RNF150: variants seen among roughly 807,000 people sequenced by gnomAD.
The protein encoded by RNF150 is ring finger protein 150.
A neutral mutation model predicts 39.3 loss-of-function variants in RNF150; 24 were observed. That is an observed-to-expected ratio of 0.61 (90% CI 0.44 to 0.86). RNF150 has a LOEUF of 0.86. Ranked by LOEUF, RNF150 falls within the 40% of genes least tolerant of loss-of-function variation. RNF150 has a pLI of 0.00. For synonymous variants in RNF150, 255 were observed against 227.3 expected (o/e 1.12, Z -1.10); for missense variants, 502 against 587.8 (o/e 0.85, Z 1.51).
chr4:141,180,026 C>T (rs1475539735), intron 1 of RNF150, among the ~76,000 whole-genome samples: 2 of 152,124 alleles, frequency 1.3e-5, no homozygotes, highest in East Asian at 3.9e-4. Flanking sequence ...TCAGATAATT[C>T]GGTTTCTATT....
chr4:141,153,689 T>A lies in RNF150; in HGVS notation c.-6+59105A>T, dbSNP rs147113752. Among the ~76,000 whole-genome samples the A allele has an allele frequency of 1.2e-3, 184 of 152,214 alleles. 1 individual carries two copies. The highest frequency in any genetic ancestry group is 2.2e-3 in the Non-Finnish European group (149 of 67,996). On this transcript the variant is annotated intron_variant, in intron 1 of 7. Coordinates refer to the RNF150 transcript ENST00000420921. Reference sequence around the variant, plus strand: ...GTGAGTGGGTAGATGATATAGTAGGTTTCAAATGGTCCAGAAGGATATAAA... The same window carrying A: ...GTGAGTGGGTAGATGATATAGTAGGATTCAAATGGTCCAGAAGGATATAAA...
chr4:141,206,515 G>A (rs1728377507), intron 1 of RNF150, among the ~76,000 whole-genome samples: 1 of 150,790 alleles, frequency 6.6e-6, no homozygotes. Flanking sequence ...GCTTTCAAAT[G>A]AGGATGTCAA....
At chr4:141,097,540 TA>T (rs1456081176) in intron 1 of RNF150, among the ~76,000 whole-genome samples, 1 of 152,154 alleles carries the variant, frequency 6.6e-6, no homozygotes, top group Non-Finnish European at 1.5e-5. Flanking sequence ...TGGTGGGCCT[TA>T]AAATTTATGG....
chr4:141,162,091 C>T (rs1168754270), intron 1 of RNF150, among the ~76,000 whole-genome samples: 3 of 152,164 alleles, frequency 2.0e-5, no homozygotes, highest in African/African-American at 7.2e-5. Flanking sequence ...ACAGTTTGCA[C>T]CACATGCCTG....
At chr4:141,044,771 G>GCACGCA (rs1553940750) in intron 1 of RNF150, among the ~76,000 whole-genome samples, 1 of 146,582 alleles carries the variant, frequency 6.8e-6, no homozygotes, top group Non-Finnish European at 1.5e-5. Flanking sequence ...GGTGTGCAGC[G>GCACGCA]CACACACACA....
At chr4:141,069,742 G>A (rs1737615958) in intron 1 of RNF150, among the ~76,000 whole-genome samples, 1 of 151,714 alleles carries the variant, frequency 6.6e-6, no homozygotes, top group Non-Finnish European at 1.5e-5. Context: ...TTCAGCTCCT[G>A]TTATTGGTCT....
Position 141,132,263 on chromosome 4 carries a change from G to GATCC in RNF150, c.484+58_484+61dup. ...AGAAGGAGCCTGGAGGCAGGCGCTGGATCCCTCTAGGCACCTCCGTCCCCG... is the reference window on the plus strand; with the variant it reads ...AGAAGGAGCCTGGAGGCAGGCGCTGGATCCATCCCTCTAGGCACCTCCGTCCCCG... On this transcript the variant is annotated intron_variant, in intron 1 of 6. Transcript: ENST00000515673. The surrounding 1 kb of genome is among the most constrained non-coding windows in gnomAD (Gnocchi z 4.9). The GATCC allele has an allele frequency of 6.6e-7, 1 of 1,513,762 alleles. No individual in the cohort carries two copies. Among genetic ancestry groups the GATCC allele is most frequent in the Non-Finnish European group, 8.9e-7 (1 of 1,119,264 alleles). 93.8% of individuals were successfully genotyped at this position (1,513,762 alleles called of 1,614,324 possible). A position where few individuals can be genotyped will look rare whatever the true frequency, so the allele number is the denominator to read the frequency against.
chr4:140,954,879 A>G (rs1201156601), intron 2 of RNF150, among the ~76,000 whole-genome samples: 1 of 152,214 alleles, frequency 6.6e-6, no homozygotes, highest in Non-Finnish European at 1.5e-5. Context: ...AAAACATAGC[A>G]TCAAAACTGA....
intron 1 of RNF150, among the ~76,000 whole-genome samples, chr4:141,046,002 G>A (rs1736561142): frequency 6.6e-6 from 1 of 152,074 alleles, no homozygotes; most frequent in African/African-American, 2.4e-5. Flanking sequence ...CCACATACAA[G>A]GTTGAGTTGA....
chr4:141,141,034 A>G (rs1432749675), intron 1 of RNF150, among the ~76,000 whole-genome samples: 1 of 152,214 alleles, frequency 6.6e-6, no homozygotes, highest in African/African-American at 2.4e-5. Context: ...CTAAATATCC[A>G]CTGAGCCATA....
intron 5 of RNF150, among the ~76,000 whole-genome samples, chr4:140,922,664 C>G (rs531529792): frequency 1.3e-5 from 2 of 151,836 alleles, no homozygotes; most frequent in East Asian, 3.9e-4. Context: ...ATTGCCAAGT[C>G]AATCCTAAGG....
intron 1 of RNF150, among the ~76,000 whole-genome samples, chr4:141,048,847 T>C (rs983373372): frequency 6.6e-6 from 1 of 152,198 alleles, no homozygotes; most frequent in African/African-American, 2.4e-5. Flanking sequence ...TAGACACGTA[T>C]ATAGCTTTGT....
chr4:141,150,910 T>C (rs908591943), intron 1 of RNF150, among the ~76,000 whole-genome samples: 9 of 152,060 alleles, frequency 5.9e-5, no homozygotes, highest in African/African-American at 1.9e-4. Context: ...TATCATTTGA[T>C]TGGCAAATAA....
At chr4:141,011,559 G>T (rs1181531179) in intron 1 of RNF150, among the ~76,000 whole-genome samples, 1 of 152,142 alleles carries the variant, frequency 6.6e-6, no homozygotes, top group Non-Finnish European at 1.5e-5. Context: ...AAACATTAAG[G>T]TCAAGTATAT....
chr4:141,068,814 TG>T (rs1737566337), intron 1 of RNF150, among the ~76,000 whole-genome samples: 1 of 122,140 alleles, frequency 8.2e-6, no homozygotes, highest in Admixed American at 9.1e-5. Flanking sequence ...TTATTCTCTT[TG>T]AAGCAATTGT....
chr4:141,167,906 C>T (rs1197548788), intron 1 of RNF150, among the ~76,000 whole-genome samples: 1 of 152,084 alleles, frequency 6.6e-6, no homozygotes, highest in Non-Finnish European at 1.5e-5. Flanking sequence ...GATTAAAACG[C>T]CAAAAGCAAT....
intron 1 of RNF150, among the ~76,000 whole-genome samples, chr4:141,020,610 G>A (rs555376159): frequency 6.6e-6 from 1 of 152,036 alleles, no homozygotes; most frequent in African/African-American, 2.4e-5. Context: ...AAAGGCTATG[G>A]GCATCTTCAT....
intron 1 of RNF150, among the ~76,000 whole-genome samples, chr4:141,185,908 T>G (rs1249378059): frequency 6.6e-6 from 1 of 152,244 alleles, no homozygotes; most frequent in Non-Finnish European, 1.5e-5. Flanking sequence ...ATAAGCTTTT[T>G]GATGTGCTGC....
chr4:141,047,535 A>T (rs982050465), intron 1 of RNF150, among the ~76,000 whole-genome samples: 3 of 152,216 alleles, frequency 2.0e-5, no homozygotes, highest in African/African-American at 7.2e-5. Flanking sequence ...AATTGGTTAT[A>T]AATCATTTTA....
Sources: gnomAD v4.1 joint callset for allele counts (sites outside exome capture counted in the v4.1 genomes callset) on GRCh38, gnomAD v4.1.1 for gene constraint, Gnocchi (gnomAD v3.1) non-coding constraint, MANE v1.5 for transcripts, NCBI Gene and HGNC (gene_info 2026-07-23, HGNC 2026-07-21) for gene names.